Variants in TANGO6 observed in about 807,000 individuals in gnomAD.
The protein encoded by TANGO6 is transport and Golgi organization protein 6 homolog.
Under a neutral mutation model 114.2 loss-of-function variants are expected in TANGO6, and 90 were observed. That is an observed-to-expected ratio of 0.79 (90% CI 0.66 to 0.94). The LOEUF is 0.94. TANGO6 is among the 40% of genes least tolerant of loss of function. The probability of loss-of-function intolerance (pLI) is 0.00; values close to 1 mark genes in which losing one functional copy is unlikely to be tolerated. For missense variants in TANGO6, 1,274 were observed against 1,315.3 expected (o/e 0.97, Z 0.49); for synonymous variants, 477 against 509.8 (o/e 0.94, Z 0.87).
At chr16:68,962,454 T>A (rs1156830718) in intron 14 of TANGO6, among the ~76,000 whole-genome samples, 1 of 152,226 alleles carries the variant, frequency 6.6e-6, no homozygotes, top group Admixed American at 6.5e-5. Flanking sequence ...TTAATATACA[T>A]TTTCATATCT....
intron 14 of TANGO6, among the ~76,000 whole-genome samples, chr16:68,959,576 G>A (rs535387451): frequency 2.0e-5 from 3 of 152,154 alleles, no homozygotes; most frequent in Admixed American, 6.6e-5. Flanking sequence ...TACAGAGCAA[G>A]ACTCCATCTC....
chr16:68,910,743 C>G (rs13332104), intron 11 of TANGO6, among the ~76,000 whole-genome samples: 12,869 of 152,180 alleles, frequency 0.085, 573 homozygotes, highest in Admixed American at 0.11. Context: ...GTGGCGCAGT[C>G]TCGGCTCACT....
chr16:68,928,011 C>T lies in TANGO6; in HGVS notation c.2571C>T (p.Ala857=), dbSNP rs201552782. The T allele has an allele frequency of 4.5e-5, 72 of 1,609,558 alleles. No homozygotes were observed. The African/African-American group carries it at 8.7e-4, about 19-fold the overall frequency. The change falls in exon 13 of 18, where the codon GCC becomes GCT. Residue 857 remains alanine (A), a synonymous_variant. Coordinates refer to ENST00000261778, the MANE Select transcript of TANGO6 (RefSeq NM_024562.2). ...CTCAAATTCCAACACGGGCTGCTGC[C>T]CTGCGTACTCTTTCCCACTGGATAG... ...YDPQIPTRAA[A]LRTLSHWIEQ... is the part of the protein sequence containing the mutation.
chr16:69,076,922 A>G (rs757648114), intron 17 of TANGO6, among the ~76,000 whole-genome samples: 2 of 152,130 alleles, frequency 1.3e-5, no homozygotes, highest in African/African-American at 2.4e-5. Flanking sequence ...GCTTGAACAC[A>G]GGAGGCGGAG....
intron 16 of TANGO6, among the ~76,000 whole-genome samples, chr16:69,027,782 A>AT (rs34656903): frequency 0.04 from 5,654 of 139,736 alleles, 295 homozygotes; most frequent in African/African-American, 0.13. Flanking sequence ...ACCAAACCCA[A>AT]TTTTTTTTTT....
chr16:69,004,545 G>T (rs1184674814), intron 15 of TANGO6, among the ~76,000 whole-genome samples: 1 of 151,574 alleles, frequency 6.6e-6, no homozygotes, highest in East Asian at 1.9e-4. Context: ...TAGTAGAGAT[G>T]AGGTTTCAGC....
chr16:69,075,174 CTTTT>C (rs59445014), intron 17 of TANGO6, among the ~76,000 whole-genome samples: 1 of 134,834 alleles, frequency 7.4e-6, no homozygotes, highest in Non-Finnish European at 1.6e-5. Context: ...CCAAAGTCTG[CTTTT>C]TTTTTTTTTT....
intron 17 of TANGO6, among the ~76,000 whole-genome samples, chr16:69,079,279 G>A (rs375313745): frequency 5.9e-5 from 9 of 151,702 alleles, no homozygotes; most frequent in Non-Finnish European, 1.0e-4. Context: ...GCAGTGAGCC[G>A]AGATCGCACA....
chr16:68,938,778 C>T (rs1254152938), intron 14 of TANGO6, among the ~76,000 whole-genome samples: 1 of 151,862 alleles, frequency 6.6e-6, no homozygotes, highest in African/African-American at 2.4e-5. Flanking sequence ...GAAAAGTGTT[C>T]CTAGGGTACA....
intron 2 of TANGO6, among the ~76,000 whole-genome samples, chr16:68,861,367 T>C (rs1252456545): frequency 6.6e-6 from 1 of 152,236 alleles, no homozygotes; most frequent in African/African-American, 2.4e-5. Context: ...GTCATCGTTG[T>C]CGTTGTTCCT....
At chr16:68,864,662 A>G (rs1339667038) in intron 3 of TANGO6, among the ~76,000 whole-genome samples, 1 of 152,190 alleles carries the variant, frequency 6.6e-6, no homozygotes, top group Non-Finnish European at 1.5e-5. Context: ...GAAGCTGGCT[A>G]CAGAGATATC....
At chr16:68,978,897 A>T (rs965900080) in intron 15 of TANGO6, among the ~76,000 whole-genome samples, 1 of 150,730 alleles carries the variant, frequency 6.6e-6, no homozygotes, top group African/African-American at 2.4e-5. Context: ...GGTAATACAT[A>T]TATACAGTAA....
At chr16:69,078,156 C>T (rs188655311) in intron 17 of TANGO6, among the ~76,000 whole-genome samples, 1 of 152,248 alleles carries the variant, frequency 6.6e-6, no homozygotes, top group African/African-American at 2.4e-5. Flanking sequence ...ATGCAAAGGC[C>T]TTGAGAGGAG....
intron 15 of TANGO6, among the ~76,000 whole-genome samples, chr16:69,018,520 T>G (rs888938168): frequency 6.6e-6 from 1 of 151,942 alleles, no homozygotes; most frequent in African/African-American, 2.4e-5. Context: ...ATCAGACCAT[T>G]TAAGTTTGAT....
At position 68,864,994 on chromosome 16, in the gene TANGO6, G is replaced by A. The variant is rs1293101323; in HGVS notation, c.852+1933G>A. Among the ~76,000 whole-genome samples, 3 of 152,032 alleles carry A rather than the reference G, an allele frequency of 2.0e-5. No homozygotes were observed. In the East Asian group the frequency reaches 5.8e-4, roughly 29 times the overall value. On this transcript the variant is annotated intron_variant, in intron 3 of 17. Coordinates refer to ENST00000261778, the MANE Select transcript of TANGO6 (RefSeq NM_024562.2). ...TGAGGCTTACATACTTAAGTGCAGT[G>A]GTGCCGGGCGTGGTGGCTCACCCCT... is the stretch of plus-strand genomic sequence containing the variant.
Position 68,860,022 on chromosome 16 carries a change from C to T in TANGO6, c.233C>T (p.Ala78Val), listed in dbSNP as rs1465104819. The change falls in exon 2 of 18, where the codon GCT (alanine) becomes GTT (valine). Residue 78 changes from alanine (A) to valine (V), a missense_variant. Around this residue, in one of 5 missense-constraint regions of TANGO6, gnomAD observed 114 missense variants for 104.6 expected, o/e 1.09. Transcript: ENST00000261778. ...KNLKLLRDEI[A>V]DKAEWPQNSV... ...CTGAAACTCCTAAGAGATGAAATTG[C>T]TGATAAGGCAGAATGGCCACAAAAC... 5 of 1,613,886 alleles carry T rather than the reference C, an allele frequency of 3.1e-6. No homozygotes were observed. The highest frequency in any genetic ancestry group is 4.2e-6 in the Non-Finnish European group (5 of 1,179,910).
chr16:68,877,483 A>T (rs957753449), intron 5 of TANGO6, among the ~76,000 whole-genome samples: 13 of 149,382 alleles, frequency 8.7e-5, no homozygotes, highest in South Asian at 8.4e-4. Context: ...AAAAAAAAAA[A>T]GGAAAAAGAA....
At chr16:69,020,887 C>G (rs1003903362) in intron 15 of TANGO6, among the ~76,000 whole-genome samples, 5 of 137,076 alleles carry the variant, frequency 3.6e-5, no homozygotes, top group Non-Finnish European at 7.9e-5. Context: ...ACCCACCCCC[C>G]CTTTATATAT....
intron 14 of TANGO6, among the ~76,000 whole-genome samples, chr16:68,934,637 A>G (rs1764678879): frequency 6.6e-6 from 1 of 152,222 alleles, no homozygotes; most frequent in Non-Finnish European, 1.5e-5. Context: ...GAAGTCAGAT[A>G]AATCAAAGAA....
Sources: gnomAD v4.1 joint callset for allele counts (sites outside exome capture counted in the v4.1 genomes callset) on GRCh38, gnomAD v4.1.1 for gene constraint, gnomAD v4.1.1 regional missense constraint, MANE v1.5 for transcripts, NCBI Gene and HGNC (gene_info 2026-07-23, HGNC 2026-07-21) for gene names.